The following NXN variants were observed in gnomAD, a reference collection of about 807,000 sequenced individuals.
The protein encoded by NXN is nucleoredoxin.
Under a neutral mutation model 48.6 loss-of-function variants are expected in NXN, and 16 were observed. That is an observed-to-expected ratio of 0.33 (90% CI 0.22 to 0.50). The LOEUF (loss-of-function observed/expected upper bound fraction) is 0.50, where lower values mean the gene tolerates loss of function less well. NXN is among the 20% of genes least tolerant of loss of function. The pLI is 0.98. For missense variants in NXN, 492 were observed against 605.5 expected, an observed-to-expected ratio of 0.81 and a Z score of 1.97; for synonymous variants, 281 against 269.6, an observed-to-expected ratio of 1.04 and a Z score of -0.41.
chr17:820,011 C>A (rs895602664), intron 4 of NXN, among the ~76,000 whole-genome samples: 1 of 152,200 alleles, frequency 6.6e-6, no homozygotes, highest in East Asian at 1.9e-4. Flanking sequence ...GCGGCAGAAG[C>A]GGATCAGGGG....
chr17:910,137 C>G (rs982186157), intron 1 of NXN, among the ~76,000 whole-genome samples: 1 of 152,124 alleles, frequency 6.6e-6, no homozygotes, highest in Admixed American at 6.5e-5. Context: ...CTTGGCCAGG[C>G]CTGGCAGCTC....
chr17:872,573 T>C (rs965546311), intron 1 of NXN, among the ~76,000 whole-genome samples: 2 of 150,648 alleles, frequency 1.3e-5, no homozygotes, highest in African/African-American at 4.9e-5. Flanking sequence ...TGATTAAACA[T>C]GATCCTGAGT....
At chr17:806,932 AC>A (rs1911572958) in intron 5 of NXN, among the ~76,000 whole-genome samples, 2 of 150,066 alleles carry the variant, frequency 1.3e-5, no homozygotes, top group Admixed American at 1.3e-4. Context: ...ACACACACAC[AC>A]ACACACACAC....
chr17:835,145 A>G (rs566707177), intron 1 of NXN, among the ~76,000 whole-genome samples: 309 of 151,562 alleles, frequency 2.0e-3, no homozygotes, highest in Non-Finnish European at 3.7e-3. Flanking sequence ...TGTCTCTACT[A>G]AAAATACAAA....
rs2069494732 is a variant in NXN, at chr17:978,849, T to TCCCCTCCCCA, written c.360+460_360+469dup. Among the ~76,000 whole-genome samples the TCCCCTCCCCA allele has an allele frequency of 6.7e-6, 1 of 149,930 alleles. No homozygotes were observed. The highest frequency in any genetic ancestry group is 2.1e-4 in the South Asian group (1 of 4,746). On this transcript the variant is annotated intron_variant, in intron 1 of 7. Transcript: ENST00000336868. This position sits in a 1 kb window ranked among gnomAD's most constrained non-coding sequence, Gnocchi z 4.1. ...GGGGGGCGTGCGCCCTCCCCTCCCC[T>TCCCCTCCCCA]CCCCTCCCCACTGTGGGAATCCGCG...
At chr17:959,389 C>T (rs1481900658) in intron 1 of NXN, 6 of 208,932 alleles carry the variant, frequency 2.9e-5, no homozygotes, top group East Asian at 1.0e-4. Flanking sequence ...CCGGCCAGAG[C>T]GGGAGAACGG....
intron 1 of NXN, among the ~76,000 whole-genome samples, chr17:869,093 C>T (rs952293569): frequency 1.8e-4 from 28 of 152,096 alleles, no homozygotes; most frequent in Non-Finnish European, 7.4e-5. Context: ...TAAGTCCCAC[C>T]CTCCACACAG....
chr17:964,716 G>A (rs1037057331), intron 1 of NXN, among the ~76,000 whole-genome samples: 4 of 152,122 alleles, frequency 2.6e-5, no homozygotes, highest in Non-Finnish European at 5.9e-5. Context: ...ACTTGTGTAA[G>A]AAAAGAAACC....
intron 5 of NXN, among the ~76,000 whole-genome samples, chr17:806,110 C>T (rs1911488761): frequency 6.6e-6 from 1 of 151,040 alleles, no homozygotes; most frequent in African/African-American, 2.5e-5. Flanking sequence ...CAGCTGACTG[C>T]AGCCCCCGCC....
At chr17:894,635 G>A (rs925566109) in intron 1 of NXN, among the ~76,000 whole-genome samples, 3 of 151,752 alleles carry the variant, frequency 2.0e-5, no homozygotes, top group Non-Finnish European at 4.4e-5. Flanking sequence ...GGAAGCCAGA[G>A]GAAGCATCTC....
At chr17:812,866 G>A (rs1011842722) in intron 5 of NXN, among the ~76,000 whole-genome samples, 9 of 150,908 alleles carry the variant, frequency 6.0e-5, no homozygotes, top group Non-Finnish European at 1.3e-4. Context: ...GTGTAGGTGT[G>A]TGTGGGTGTG....
In NXN at chr17:801,125, T is replaced by C; in HGVS notation, c.1132A>G (p.Met378Val). 2 of 1,535,634 alleles carry C rather than the reference T, an allele frequency of 1.3e-6. No individual in the cohort carries two copies. Among genetic ancestry groups the C allele is most frequent in the South Asian group, 1.2e-5 (1 of 80,300 alleles). ...GTGTAATCTCGCAGGGAGTCAGTCA[T>C]GTCATCCTGAAGCCGTCAGGAGGGA... is the stretch of plus-strand genomic sequence containing the variant. Reference protein sequence around the residue: ...LLFFVAGEDDMTDSLRDYTNL... With the variant: ...LLFFVAGEDDVTDSLRDYTNL... The change falls in exon 8 of 8, where the codon ATG (methionine) becomes GTG (valine). Residue 378 changes from methionine (M) to valine (V), a missense_variant. Coordinates refer to ENST00000336868, the MANE Select transcript of NXN (RefSeq NM_022463.5).
chr17:812,029 G>A (rs989495925), intron 5 of NXN, among the ~76,000 whole-genome samples: 21 of 141,140 alleles, frequency 1.5e-4, no homozygotes, highest in Admixed American at 2.3e-4. Flanking sequence ...CCGGGTTCAC[G>A]CCATTCTCCT....
At chr17:812,282 A>G (rs1056880310) in intron 5 of NXN, among the ~76,000 whole-genome samples, 1 of 152,134 alleles carries the variant, frequency 6.6e-6, no homozygotes, top group Admixed American at 6.6e-5. Flanking sequence ...ACATGACTCA[A>G]TCCACAAAAT....
chr17:806,764 C>T (rs1257466472), intron 5 of NXN, among the ~76,000 whole-genome samples: 1 of 152,218 alleles, frequency 6.6e-6, no homozygotes, highest in Non-Finnish European at 1.5e-5. Context: ...TCGTACCCTG[C>T]TGCGGCCACC....
intron 1 of NXN, among the ~76,000 whole-genome samples, chr17:886,868 A>G (rs2068354127): frequency 6.6e-6 from 1 of 151,964 alleles, no homozygotes; most frequent in Non-Finnish European, 1.5e-5. Context: ...CTTTGATCTC[A>G]TTCTATTGTT....
chr17:869,286 C>G (rs2068126639), intron 1 of NXN, among the ~76,000 whole-genome samples: 1 of 152,172 alleles, frequency 6.6e-6, no homozygotes, highest in South Asian at 2.1e-4. Context: ...CTTAAGAGGG[C>G]CGTCCAGAAC....
rs371079682 is a variant in NXN at position 800,574 on chromosome 17, G to A, written c.*375C>T. 7.2e-4 allele frequency: 116 copies of A among 162,234 alleles called. 1 individual carries two copies. Among genetic ancestry groups the A allele is most frequent in the Middle Eastern group, 6.1e-3 (2 of 330 alleles). The allele number at this position is 162,234 out of a possible 1,614,324, so 10.0% of individuals were successfully genotyped here. ...GGTTCCCCTCTGGCCGTCCGGGGCCGTGTGTGCCGACGTCAGAGTCAGAGC... is the reference window on the plus strand; with the variant it reads ...GGTTCCCCTCTGGCCGTCCGGGGCCATGTGTGCCGACGTCAGAGTCAGAGC... On this transcript the variant is annotated 3_prime_UTR_variant, in exon 8 of 8. Coordinates refer to ENST00000336868, the MANE Select transcript of NXN (RefSeq NM_022463.5).
intron 1 of NXN, among the ~76,000 whole-genome samples, chr17:925,537 C>T (rs1266630911): frequency 3.3e-5 from 5 of 152,156 alleles, no homozygotes; most frequent in African/African-American, 4.8e-5. Flanking sequence ...TACAGGCGCC[C>T]GCCACCATGT....
Sources: allele counts gnomAD v4.1 joint callset (sites outside exome capture counted in the v4.1 genomes callset), GRCh38; gene constraint gnomAD v4.1.1; non-coding constraint Gnocchi (gnomAD v3.1); transcripts MANE v1.5; gene names NCBI Gene and HGNC (gene_info 2026-07-23, HGNC 2026-07-21).